The following ZNF17 variants were observed in gnomAD, a reference collection of about 807,000 sequenced individuals.
ZNF17 encodes the protein zinc finger protein 17 (HPF3, KOX 10).
In ZNF17, 4 loss-of-function variants were observed where a neutral mutation model predicts 7.7. The ratio of observed to expected loss-of-function variants is 0.52; its 90% CI spans 0.26 to 1.20. ZNF17 has a LOEUF of 1.20. Among genes scored for constraint, ZNF17 ranks in the 50% most tolerant of loss-of-function variants. ZNF17 has a pLI of 0.14. For synonymous variants in ZNF17, 249 were observed against 258.8 expected (o/e 0.96, Z 0.36); for missense variants, 738 against 799.5 (o/e 0.92, Z 0.93).
intron 1 of ZNF17, 100 bp from the exon 2 acceptor site, chr19:57,413,496 G>C: frequency 7.7e-7 from 1 of 1,298,864 alleles, no homozygotes; most frequent in Non-Finnish European, 1.1e-6. Context: ...TGTACCCTCA[G>C]ATAACTTTGC....
chr19:57,411,896 C>G (rs550891189), intron 1 of ZNF17, among the ~76,000 whole-genome samples: 1 of 152,262 alleles, frequency 6.6e-6, no homozygotes, highest in African/African-American at 2.4e-5. Flanking sequence ...GGATTTCCTG[C>G]TGCATCAAAT....
At chr19:57,418,565 AACGCCAC>A (rs2088826226) in intron 3 of ZNF17, among the ~76,000 whole-genome samples, 1 of 152,122 alleles carries the variant, frequency 6.6e-6, no homozygotes, top group South Asian at 2.1e-4. Flanking sequence ...TAGCTTGGCT[AACGCCAC>A]ACCTAGATAG....
intron 1 of ZNF17, among the ~76,000 whole-genome samples, chr19:57,411,884 C>G (rs2088779596): frequency 6.6e-6 from 1 of 152,156 alleles, no homozygotes; most frequent in Non-Finnish European, 1.5e-5. Flanking sequence ...ATAGAGTCGA[C>G]AGGATTTCCT....
At chr19:57,414,437 C>T (rs1362272788) in intron 2 of ZNF17, among the ~76,000 whole-genome samples, 2 of 151,760 alleles carry the variant, frequency 1.3e-5, no homozygotes, top group Non-Finnish European at 2.9e-5. Context: ...CAGGTTCAAG[C>T]AATTCTCCTG....
At chr19:57,413,052 A>G (rs35743706) in intron 1 of ZNF17, among the ~76,000 whole-genome samples, 15,202 of 151,454 alleles carry the variant, frequency 0.1, 1,014 homozygotes, top group South Asian at 0.17. Context: ...TAATTTTTGT[A>G]TTTTTGATAG....
chr19:57,413,796 C>G (rs750109829), intron 2 of ZNF17, among the ~76,000 whole-genome samples, 160 bp downstream of exon 2: 1 of 152,078 alleles, frequency 6.6e-6, no homozygotes, highest in Non-Finnish European at 1.5e-5. Context: ...AACTCAGTGC[C>G]TGGTTATATA....
At chr19:57,416,854 T>C (rs891528240) in intron 2 of ZNF17, among the ~76,000 whole-genome samples, 1 of 152,136 alleles carries the variant, frequency 6.6e-6, no homozygotes, top group Admixed American at 6.5e-5. Context: ...CCCCCACCCA[T>C]CTTTGTTCTA....
Position 57,420,114 on chromosome 19 carries a change from C to A in ZNF17, c.628C>A (p.His210Asn), listed in dbSNP as rs1012605873. The part of the protein sequence containing the change: ...DFCHQHTLFE[H>N]QKIHTEERPY... Reference sequence around the variant, plus strand: ...TTGCCACCAACATACACTGTTTGAGCACCAGAAAATCCACACAGAGGAAAG... The same window carrying A: ...TTGCCACCAACATACACTGTTTGAGAACCAGAAAATCCACACAGAGGAAAG... Residue 210 changes from histidine to asparagine, a missense_variant, in exon 4 of 4, where the codon CAC (histidine) becomes AAC (asparagine). Physicochemically the swap from His to Asn is moderately conservative, Grantham distance 68. Transcript: ENST00000307658. The A allele has an allele frequency of 1.9e-6, 3 of 1,614,210 alleles. No individual in the cohort carries two copies. Among genetic ancestry groups the A allele is most frequent in the Non-Finnish European group, 2.5e-6 (3 of 1,180,040 alleles).
chr19:57,414,779 C>T (rs59410856), intron 2 of ZNF17, among the ~76,000 whole-genome samples: 165 of 150,956 alleles, frequency 1.1e-3, no homozygotes, highest in African/African-American at 3.9e-3. Context: ...GGCGTGAACT[C>T]GGCTCACTGC....
At position 57,414,404 on chromosome 19, in the gene ZNF17, G is replaced by A. The variant is rs532665064; in HGVS notation, c.21+768G>A. ...GGCGGGAGTGCATTGATGTGATCTCGGATCATTGCGACCTCTGTCTCCCAG... is the reference window on the plus strand; with the variant it reads ...GGCGGGAGTGCATTGATGTGATCTCAGATCATTGCGACCTCTGTCTCCCAG... On this transcript the variant is annotated intron_variant, in intron 2 of 3. Coordinates refer to ENST00000307658, the MANE Select transcript of ZNF17 (RefSeq NM_001330617.2). 3.3e-5 allele frequency among the ~76,000 whole-genome samples: 5 copies of A among 150,368 alleles called. No homozygotes were observed. The East Asian group carries it at 5.9e-4, about 18-fold the overall frequency.
chr19:57,412,264 A>C (rs1349753044), intron 1 of ZNF17, among the ~76,000 whole-genome samples: 1 of 152,244 alleles, frequency 6.6e-6, no homozygotes, highest in East Asian at 1.9e-4. Flanking sequence ...TAGGAAGGTC[A>C]TCCAGACTAG....
chr19:57,415,180 C>T (rs1195963902), intron 2 of ZNF17, among the ~76,000 whole-genome samples: 18 of 152,000 alleles, frequency 1.2e-4, no homozygotes, highest in Admixed American at 1.2e-3. Context: ...TGGGTGGCTT[C>T]TGTAGGTTTT....
chr19:57,413,515 C>T (rs919226870), intron 1 of ZNF17, 81 bp from the exon 2 acceptor site: 3 of 1,470,300 alleles, frequency 2.0e-6, no homozygotes, highest in Non-Finnish European at 1.8e-6. Flanking sequence ...GCTCTAGTTG[C>T]AGGGCCAGAG....
chr19:57,420,732 T>G lies in ZNF17; in HGVS notation c.1246T>G (p.Tyr416Asp), dbSNP rs1409748938. ...HQKVHTGEKPYECSECGKFFM... is the reference protein window; with the variant it reads ...HQKVHTGEKPDECSECGKFFM... ...GAAAGTTCACACTGGAGAAAAGCCT[T>G]ATGAGTGTAGTGAATGTGGGAAGTT... Residue 416 changes from tyrosine (Y) to aspartate (D), a missense_variant, in exon 4 of 4, where the codon TAT (tyrosine) becomes GAT (aspartate). By Grantham distance (160) the Tyr-to-Asp change is radical. Coordinates refer to ENST00000307658, the MANE Select transcript of ZNF17 (RefSeq NM_001330617.2). The G allele has an allele frequency of 6.2e-7, 1 of 1,614,032 alleles. No homozygotes were observed. The highest frequency in any genetic ancestry group is 1.3e-5 in the African/African-American group (1 of 74,914).
intron 1 of ZNF17, chr19:57,413,345 C>T: frequency 4.5e-6 from 2 of 443,620 alleles, no homozygotes; most frequent in South Asian, 6.1e-5. Context: ...ATTGCTGATA[C>T]ATAGTGTGTA....
chr19:57,413,081 G>A (rs925158386), intron 1 of ZNF17, among the ~76,000 whole-genome samples: 16 of 151,688 alleles, frequency 1.1e-4, no homozygotes, highest in African/African-American at 3.6e-4. Context: ...TTTCACCATG[G>A]TTGGCCAGGA....
At position 57,420,294 on chromosome 19, in the gene ZNF17, C is replaced by G. The variant is rs1280547268; in HGVS notation, c.808C>G (p.His270Asp). The change falls in exon 4 of 4, where the codon CAC becomes GAC. Residue 270 changes from histidine to aspartate, a missense_variant. Around this residue, in one of 3 missense-constraint regions of ZNF17, gnomAD observed 616 missense variants for 663.9 expected, o/e 0.93. Transcript: ENST00000307658. ...CAATGTTGTTCAACACCAGAAAATT[C>G]ACACTGGAGAAAGGCCTTATGAGTG... ...KYNVVQHQKI[H>D]TGERPYECSE... 1 of 1,614,182 alleles carries G rather than the reference C, an allele frequency of 6.2e-7. No individual in the cohort carries two copies. The highest frequency in any genetic ancestry group is 1.7e-5 in the Admixed American group (1 of 60,028).
rs774989760 is a variant in ZNF17, at chr19:57,420,676, T to G, written c.1190T>G (p.Phe397Cys). 6.2e-7 allele frequency: 1 copy of G among 1,614,008 alleles called. No homozygotes were observed. The highest frequency in any genetic ancestry group is 1.1e-5 in the South Asian group (1 of 91,080). The stretch of plus-strand genomic sequence containing the variant: ...GAATGCAACGAATGTGGGAAATTCT[T>G]TAGATACCGTTCCACACTCATTAGA... ...PYECNECGKF[F>C]RYRSTLIRHQ... The change falls in exon 4 of 4, where the codon TTT becomes TGT. Residue 397 changes from phenylalanine to cysteine, a missense_variant. Coordinates refer to ENST00000307658, the MANE Select transcript of ZNF17 (RefSeq NM_001330617.2).
At chr19:57,418,232 C>T (rs1304383635) in intron 3 of ZNF17, among the ~76,000 whole-genome samples, 194 bp downstream of exon 3, 1 of 152,168 alleles carries the variant, frequency 6.6e-6, no homozygotes, top group Non-Finnish European at 1.5e-5. Flanking sequence ...TCTTGTCACT[C>T]TGAAGCCTTA....
Sources: gnomAD v4.1 joint callset for allele counts (sites outside exome capture counted in the v4.1 genomes callset) on GRCh38, gnomAD v4.1.1 for gene constraint, gnomAD v4.1.1 regional missense constraint, MANE v1.5 for transcripts, NCBI Gene and HGNC (gene_info 2026-07-23, HGNC 2026-07-21) for gene names.